Variants in LRCH1 observed in about 807,000 individuals in gnomAD.
LRCH1 encodes the protein leucine rich repeats and calponin homology domain containing 1.
In LRCH1, 23 loss-of-function variants were observed where a neutral mutation model predicts 94.9. That is an observed-to-expected ratio of 0.24 (90% confidence interval 0.17 to 0.34). The LOEUF is 0.34. Ranked by LOEUF, LRCH1 falls within the 10% of genes least tolerant of loss-of-function variation. The pLI is 1.00. For synonymous variants in LRCH1, 364 were observed against 354.9 expected (o/e 1.03, Z -0.29); for missense variants, 790 against 945.9 (o/e 0.84, Z 2.16).
At chr13:46,574,822 GTTTT>G (rs754195815) in intron 1 of LRCH1, among the ~76,000 whole-genome samples, 2 of 69,420 alleles carry the variant, frequency 2.9e-5, no homozygotes, top group Non-Finnish European at 5.4e-5. Context: ...TGTGTGTGGG[GTTTT>G]TTTTTTTTTT....
At position 46,744,012 on chromosome 13, in the gene LRCH1, A is replaced by T. The variant is rs1338705381; in HGVS notation, c.*2164A>T. 2.0e-6 allele frequency: 2 copies of T among 985,272 alleles called. No individual in the cohort carries two copies. Among genetic ancestry groups the T allele is most frequent in the Middle Eastern group, 5.2e-4 (1 of 1,936 alleles). The allele number at this position is 985,272 out of a possible 1,614,324, so 61.0% of individuals were successfully genotyped here. On this transcript the variant is annotated 3_prime_UTR_variant, in exon 20 of 20. Coordinates refer to ENST00000389797, the MANE Select transcript of LRCH1 (RefSeq NM_001164211.2). The stretch of plus-strand genomic sequence containing the variant: ...GATGTTTTTTCATTAGTAGTATGGT[A>T]ACTAGCAGAACACAATTAATTTAGT...
intron 2 of LRCH1, among the ~76,000 whole-genome samples, chr13:46,661,156 G>A (rs1206474927): frequency 6.6e-6 from 1 of 152,130 alleles, no homozygotes; most frequent in South Asian, 2.1e-4. Context: ...CAGAGGAAAT[G>A]AGAAAAGGCT....
chr13:46,703,750 AG>A (rs997600384), intron 11 of LRCH1, among the ~76,000 whole-genome samples: 8 of 152,156 alleles, frequency 5.3e-5, no homozygotes, highest in African/African-American at 1.9e-4. Flanking sequence ...CTTTTAAAAA[AG>A]TATATAACTT....
chr13:46,598,842 A>G (rs1311307968), intron 1 of LRCH1, among the ~76,000 whole-genome samples: 1 of 152,208 alleles, frequency 6.6e-6, no homozygotes, highest in Non-Finnish European at 1.5e-5. Context: ...ACTGTCTGAT[A>G]TATATTTTTT....
At chr13:46,652,650 C>T (rs2051322359) in intron 2 of LRCH1, among the ~76,000 whole-genome samples, 1 of 152,146 alleles carries the variant, frequency 6.6e-6, no homozygotes, top group Non-Finnish European at 1.5e-5. Flanking sequence ...TCAGTATCTC[C>T]TAAGACATCT....
At chr13:46,566,892 T>A (rs1167573150) in intron 1 of LRCH1, among the ~76,000 whole-genome samples, 1 of 152,198 alleles carries the variant, frequency 6.6e-6, no homozygotes, top group Non-Finnish European at 1.5e-5. Flanking sequence ...CCAGCCCTAA[T>A]CCTCACTTGT....
Position 46,741,655 on chromosome 13 carries a change from C to T in LRCH1, c.2099C>T (p.Ser700Phe), listed in dbSNP as rs1158095478. 3 of 1,614,174 alleles carry T rather than the reference C, an allele frequency of 1.9e-6. No individual in the cohort carries two copies. The highest frequency in any genetic ancestry group is 1.7e-6 in the Non-Finnish European group (2 of 1,179,990). The change falls in exon 20 of 20, where the codon TCT becomes TTT. Residue 700 changes from serine (S) to phenylalanine (F), a missense_variant. Transcript: ENST00000389797. ...KLGVPEADLC[S>F]PCDILQLDFR... ...CCCTCGGAATAGGCTGACCTCTGCT[C>T]TCCGTGTGACATCCTGCAGTTGGAT...
chr13:46,732,484 A>T (rs1008619477), intron 18 of LRCH1, among the ~76,000 whole-genome samples: 2 of 152,158 alleles, frequency 1.3e-5, no homozygotes, highest in Non-Finnish European at 2.9e-5. Context: ...ACTCCCAAAG[A>T]GGGAGAATTA....
intron 3 of LRCH1, among the ~76,000 whole-genome samples, chr13:46,677,306 G>T (rs892467720): frequency 6.7e-6 from 1 of 149,560 alleles, no homozygotes; most frequent in Non-Finnish European, 1.5e-5. Context: ...GCACACACCT[G>T]TAATCTCAGC....
chr13:46,599,176 C>T (rs2050599405), intron 1 of LRCH1, among the ~76,000 whole-genome samples: 1 of 152,174 alleles, frequency 6.6e-6, no homozygotes, highest in Non-Finnish European at 1.5e-5. Context: ...TCAGAATTTC[C>T]TTCCTTCTTA....
intron 1 of LRCH1, among the ~76,000 whole-genome samples, chr13:46,563,646 A>G (rs749961485): frequency 1.3e-5 from 2 of 152,242 alleles, no homozygotes; most frequent in African/African-American, 2.4e-5. Context: ...TATGTAATAG[A>G]TGTTTCACCT....
intron 2 of LRCH1, among the ~76,000 whole-genome samples, chr13:46,657,500 CTTTTTTTTTTTTTTTTT>C (rs67588975): frequency 1.1e-3 from 12 of 11,388 alleles, no homozygotes; most frequent in South Asian, 3.8e-3. Context: ...CTTTTCTTTT[CTTTTTTTTTTTTTTTTT>C]TTTTTTTTTT....
At chr13:46,601,537 C>G (rs1400823015) in intron 1 of LRCH1, among the ~76,000 whole-genome samples, 1 of 152,156 alleles carries the variant, frequency 6.6e-6, no homozygotes, top group African/African-American at 2.4e-5. Context: ...AGTGACTGGT[C>G]CCTTGAGGTT....
intron 1 of LRCH1, among the ~76,000 whole-genome samples, chr13:46,573,869 T>A (rs867049211): frequency 0.014 from 1,679 of 123,568 alleles, 50 homozygotes; most frequent in African/African-American, 0.045. Flanking sequence ...TATATATATT[T>A]TTTTTTTTTT....
At chr13:46,593,713 G>A (rs1271176929) in intron 1 of LRCH1, among the ~76,000 whole-genome samples, 3 of 152,076 alleles carry the variant, frequency 2.0e-5, no homozygotes, top group Admixed American at 1.3e-4. Flanking sequence ...CCTTCTGATC[G>A]CCAGGTCCTG....
intron 19 of LRCH1, among the ~76,000 whole-genome samples, chr13:46,734,939 G>T (rs952475352): frequency 1.3e-5 from 2 of 152,144 alleles, no homozygotes; most frequent in African/African-American, 2.4e-5. Flanking sequence ...GATTGACAAA[G>T]ACTTTTTTCC....
intron 3 of LRCH1, among the ~76,000 whole-genome samples, chr13:46,679,268 G>C (rs994249758): frequency 1.3e-5 from 2 of 152,184 alleles, no homozygotes; most frequent in Non-Finnish European, 2.9e-5. Flanking sequence ...TCACCTGTGT[G>C]GTATTTGTGT....
intron 2 of LRCH1, among the ~76,000 whole-genome samples, chr13:46,668,568 A>G (rs2051552290): frequency 6.6e-6 from 1 of 152,176 alleles, no homozygotes; most frequent in Non-Finnish European, 1.5e-5. Flanking sequence ...GGATGAAATG[A>G]TGCCTGTGTG....
At chr13:46,655,531 G>A (rs571840675) in intron 2 of LRCH1, among the ~76,000 whole-genome samples, 7 of 152,168 alleles carry the variant, frequency 4.6e-5, no homozygotes, top group Non-Finnish European at 7.4e-5. Flanking sequence ...CTTAATCCAA[G>A]ACATGTGGCC....
Sources: allele counts gnomAD v4.1 joint callset (sites outside exome capture counted in the v4.1 genomes callset), GRCh38; gene constraint gnomAD v4.1.1; transcripts MANE v1.5; gene names NCBI Gene and HGNC (gene_info 2026-07-23, HGNC 2026-07-21).